Variants in TUSC3 observed in about 807,000 individuals in gnomAD.
TUSC3 encodes dolichyl-diphosphooligosaccharide--protein glycosyltransferase subunit TUSC3.
A neutral mutation model predicts 44.8 loss-of-function variants in TUSC3; 45 were observed. The ratio of observed to expected loss-of-function variants is 1.00; its 90% CI spans 0.79 to 1.29. The LOEUF (loss-of-function observed/expected upper bound fraction) is 1.29, where lower values mean the gene tolerates loss of function less well. Ranked by LOEUF, TUSC3 falls within the 50% of genes most tolerant of loss-of-function variation. The pLI is 0.00. For missense variants in TUSC3, 519 were observed against 437.9 expected, an observed-to-expected ratio of 1.19 and a Z score of -1.65; for synonymous variants, 212 against 152.9, an observed-to-expected ratio of 1.39 and a Z score of -2.85.
intron 1 of TUSC3, among the ~76,000 whole-genome samples, chr8:15,593,635 A>C (rs1219395123): frequency 1.3e-5 from 2 of 152,156 alleles, no homozygotes; most frequent in East Asian, 3.9e-4. Context: ...TGTAATCCGC[A>C]TAGCCATAAT....
chr8:15,443,980 T>C (rs960737581), intron 1 of TUSC3, among the ~76,000 whole-genome samples: 1 of 152,104 alleles, frequency 6.6e-6, no homozygotes, highest in Non-Finnish European at 1.5e-5. Flanking sequence ...CACCAAGCTG[T>C]CCTTAAAAAC....
intron 2 of TUSC3, among the ~76,000 whole-genome samples, chr8:15,629,527 G>C (rs1014863837): frequency 4.6e-5 from 7 of 150,826 alleles, no homozygotes; most frequent in Admixed American, 1.3e-4. Context: ...CACTGAGAAA[G>C]GGACCCTGTC....
chr8:15,568,208 A>G (rs1287113827), intron 1 of TUSC3, among the ~76,000 whole-genome samples: 1 of 152,138 alleles, frequency 6.6e-6, no homozygotes, highest in Non-Finnish European at 1.5e-5. Context: ...GGCACGAAAA[A>G]GTGTGGTGTG....
intron 7 of TUSC3, 38 bp from the exon 8 acceptor site, chr8:15,743,500 C>A: frequency 6.3e-7 from 1 of 1,597,180 alleles, no homozygotes; most frequent in South Asian, 1.1e-5. Flanking sequence ...AGATTTTATT[C>A]ACATCTATGT....
the TUSC3 span, among the ~76,000 whole-genome samples, chr8:15,812,651 T>A: frequency 6.6e-6 from 1 of 152,202 alleles, no homozygotes. Flanking sequence ...GGACAGTGGG[T>A]GTCTGGAAAA....
At chr8:15,743,142 A>C (rs1811264793) in intron 7 of TUSC3, among the ~76,000 whole-genome samples, 1 of 152,242 alleles carries the variant, frequency 6.6e-6, no homozygotes, top group African/African-American at 2.4e-5. Context: ...CTTTTAGAAG[A>C]AAAAGCTGTG....
At chr8:15,749,129 AC>A (rs1313471019) in intron 9 of TUSC3, among the ~76,000 whole-genome samples, 13 of 198 alleles carry the variant, frequency 0.066, no homozygotes, top group African/African-American at 0.18. Flanking sequence ...AAATAACTTA[AC>A]ATTTTTTTCT....
the TUSC3 span, among the ~76,000 whole-genome samples, chr8:15,846,660 G>C: frequency 1.3e-5 from 2 of 152,006 alleles, no homozygotes; most frequent in African/African-American, 4.8e-5. Context: ...GAATTGAGGA[G>C]TTGAACAATG....
At chr8:15,418,615 TAGG>T (rs1799689357) in intron 1 of TUSC3, among the ~76,000 whole-genome samples, 2 of 152,104 alleles carry the variant, frequency 1.3e-5, no homozygotes, top group South Asian at 4.1e-4. Context: ...GAATGTGAAA[TAGG>T]AGGAGAGTAA....
rs944651868 is a variant in TUSC3 at position 15,548,242 on chromosome 8, A to G, written c.138+7674A>G. On this transcript the variant is annotated intron_variant, in intron 1 of 10. Transcript: ENST00000503731. ...GATGGTTGTGACAAACTATTTGTCT[A>G]ACTTTTGTCTTTACTGACAGTAGAT... is the stretch of plus-strand genomic sequence containing the variant. 2.6e-4 allele frequency among the ~76,000 whole-genome samples: 40 copies of G among 151,822 alleles called. 1 individual carries two copies. The highest frequency in any genetic ancestry group is 1.4e-4 in the African/African-American group (6 of 41,420).
intron 6 of TUSC3, among the ~76,000 whole-genome samples, chr8:15,710,880 A>T: frequency 6.8e-6 from 1 of 147,610 alleles, no homozygotes; most frequent in East Asian, 2.0e-4. Flanking sequence ...TATATATATA[A>T]TATAAAATAT....
chr8:15,740,534 G>A (rs1272523827), intron 7 of TUSC3, among the ~76,000 whole-genome samples: 1 of 150,814 alleles, frequency 6.6e-6, no homozygotes, highest in Non-Finnish European at 1.5e-5. Flanking sequence ...AAAAGAACAA[G>A]CAGTGTGCCA....
intron 1 of TUSC3, among the ~76,000 whole-genome samples, chr8:15,582,200 C>T (rs1203288314): frequency 6.6e-6 from 1 of 152,172 alleles, no homozygotes; most frequent in African/African-American, 2.4e-5. Flanking sequence ...TGGCCTGCGC[C>T]CACTGTCTGG....
At chr8:15,511,052 G>T (rs935783132) in intron 2 of TUSC3, among the ~76,000 whole-genome samples, 45 of 152,088 alleles carry the variant, frequency 3.0e-4, no homozygotes, top group African/African-American at 1.1e-3. Flanking sequence ...GGCAAGCTAG[G>T]AATAGAAGAT....
At chr8:15,710,456 C>G (rs1809795214) in intron 6 of TUSC3, among the ~76,000 whole-genome samples, 1 of 151,742 alleles carries the variant, frequency 6.6e-6, no homozygotes, top group South Asian at 2.1e-4. Flanking sequence ...CAAGGGCCTT[C>G]ATTCTACAGT....
At position 15,495,685 on chromosome 8, in the gene TUSC3, A is replaced by G. The variant is rs189661593; in HGVS notation, n.189+12202A>G. The stretch of plus-strand genomic sequence containing the variant: ...GGAGCCTCCACCAAGTATACCTGCC[A>G]TGATCTTGCTGGGTTACTCTTCCAG... On this transcript the variant is annotated intron_variant and non_coding_transcript_variant, in intron 2 of 5. Transcript: ENST00000503191. 1.9e-3 allele frequency among the ~76,000 whole-genome samples: 284 copies of G among 152,270 alleles called. 3 individuals are homozygous for G. Among genetic ancestry groups the G allele is most frequent in the African/African-American group, 6.4e-3 (265 of 41,554 alleles).
chr8:15,687,933 G>GT (rs1478701052), intron 6 of TUSC3, among the ~76,000 whole-genome samples: 1 of 152,220 alleles, frequency 6.6e-6, no homozygotes, highest in East Asian at 1.9e-4. Flanking sequence ...ATGAGAATGT[G>GT]TTTTAATATG....
chr8:15,619,233 G>T (rs1372130007), intron 1 of TUSC3, among the ~76,000 whole-genome samples: 1 of 152,030 alleles, frequency 6.6e-6, no homozygotes, highest in Non-Finnish European at 1.5e-5. Flanking sequence ...GATATTTATT[G>T]TTATTCCAGA....
the TUSC3 span, among the ~76,000 whole-genome samples, chr8:15,794,184 C>A: frequency 6.6e-6 from 1 of 152,182 alleles, no homozygotes; most frequent in Non-Finnish European, 1.5e-5. Context: ...ACCTCAGCAT[C>A]ATTTGGGCCT....
Sources: allele counts gnomAD v4.1 joint callset (sites outside exome capture counted in the v4.1 genomes callset), GRCh38; gene constraint gnomAD v4.1.1; transcripts MANE v1.5; gene names NCBI Gene and HGNC (gene_info 2026-07-23, HGNC 2026-07-21).